Variants in FBXL7 observed in about 807,000 individuals in gnomAD.
The protein encoded by FBXL7 is F-box and leucine rich repeat protein 7.
Under a neutral mutation model 38.3 loss-of-function variants are expected in FBXL7, and 12 were observed. The ratio of observed to expected loss-of-function variants is 0.31; its 90% CI spans 0.20 to 0.51. The LOEUF (loss-of-function observed/expected upper bound fraction) is 0.51, where lower values mean the gene tolerates loss of function less well. FBXL7 is among the 20% of genes least tolerant of loss of function. FBXL7 has a pLI of 0.98. For synonymous variants in FBXL7, 297 were observed against 300.9 expected (o/e 0.99, Z 0.13); for missense variants, 567 against 676.4 (o/e 0.84, Z 1.79).
intron 2 of FBXL7, among the ~76,000 whole-genome samples, chr5:15,708,296 G>A (rs1743753029): frequency 6.6e-6 from 1 of 152,202 alleles, no homozygotes; most frequent in African/African-American, 2.4e-5. Context: ...TTTAGATAGG[G>A]AAAGGAATTG....
chr5:15,525,636 G>A (rs1267313303), intron 1 of FBXL7, among the ~76,000 whole-genome samples: 5 of 151,962 alleles, frequency 3.3e-5, no homozygotes, highest in African/African-American at 9.7e-5. Context: ...ATAAATACAC[G>A]TATACATATC....
chr5:15,849,101 T>C (rs1183426886), intron 2 of FBXL7, among the ~76,000 whole-genome samples: 1 of 152,244 alleles, frequency 6.6e-6, no homozygotes, highest in Non-Finnish European at 1.5e-5. Context: ...GATTCCTCCA[T>C]GCATTAAAAA....
At chr5:15,511,814 G>A (rs61275071) in intron 1 of FBXL7, among the ~76,000 whole-genome samples, 5,860 of 152,294 alleles carry the variant, frequency 0.038, 141 homozygotes, top group Non-Finnish European at 0.056. Flanking sequence ...TTTTGCAGCT[G>A]TATTAGGAAT....
At chr5:15,505,212 G>A (rs981530544) in intron 1 of FBXL7, among the ~76,000 whole-genome samples, 2 of 152,128 alleles carry the variant, frequency 1.3e-5, no homozygotes, top group Non-Finnish European at 2.9e-5. Context: ...ATAATTCTAA[G>A]GACTTGCCAT....
intron 2 of FBXL7, among the ~76,000 whole-genome samples, chr5:15,685,633 C>A (rs1204700790): frequency 6.6e-6 from 1 of 152,152 alleles, no homozygotes; most frequent in Non-Finnish European, 1.5e-5. Flanking sequence ...TTAAGACAGG[C>A]AGAACTGAGT....
At chr5:15,897,523 T>A (rs1579584494) in intron 2 of FBXL7, among the ~76,000 whole-genome samples, 1 of 152,240 alleles carries the variant, frequency 6.6e-6, no homozygotes, top group East Asian at 1.9e-4. Flanking sequence ...ATGTTGAAGA[T>A]CCCAGGAAAT....
chr5:15,751,075 T>C (rs1205140789), intron 2 of FBXL7, among the ~76,000 whole-genome samples: 1 of 152,176 alleles, frequency 6.6e-6, no homozygotes, highest in African/African-American at 2.4e-5. Flanking sequence ...ATCAAACACA[T>C]TTCTGTTTCC....
intron 2 of FBXL7, among the ~76,000 whole-genome samples, chr5:15,762,692 C>T (rs960495711): frequency 2.6e-5 from 4 of 152,196 alleles, no homozygotes; most frequent in South Asian, 2.1e-4. Context: ...TGCAAAACAG[C>T]GTACTGCTGA....
At chr5:15,529,006 G>A (rs1737338723) in intron 1 of FBXL7, among the ~76,000 whole-genome samples, 1 of 151,992 alleles carries the variant, frequency 6.6e-6, no homozygotes, top group African/African-American at 2.4e-5. Flanking sequence ...CATGTTGTAC[G>A]CTAGACCTCT....
At chr5:15,650,175 A>G (rs1318607186) in intron 2 of FBXL7, among the ~76,000 whole-genome samples, 1 of 152,210 alleles carries the variant, frequency 6.6e-6, no homozygotes, top group African/African-American at 2.4e-5. Flanking sequence ...ATGAGCTTAC[A>G]GGGATATCTT....
intron 2 of FBXL7, among the ~76,000 whole-genome samples, chr5:15,667,118 T>C (rs952047388): frequency 3.3e-5 from 5 of 152,202 alleles, no homozygotes; most frequent in African/African-American, 9.6e-5. Context: ...TAGTGCATAA[T>C]ATTGGAAGTT....
chr5:15,819,847 A>G (rs1039659156), intron 2 of FBXL7, among the ~76,000 whole-genome samples: 9 of 152,188 alleles, frequency 5.9e-5, no homozygotes, highest in African/African-American at 2.2e-4. Flanking sequence ...TAGCTACTTC[A>G]GAAGGAGGGA....
At chr5:15,551,351 CTG>C (rs1349645536) in intron 1 of FBXL7, among the ~76,000 whole-genome samples, 1 of 152,208 alleles carries the variant, frequency 6.6e-6, no homozygotes. Flanking sequence ...CAGAAAGCCT[CTG>C]TTCTGTGCAA....
chr5:15,608,518 T>C (rs1239376689), intron 1 of FBXL7, among the ~76,000 whole-genome samples: 1 of 152,222 alleles, frequency 6.6e-6, no homozygotes, highest in Non-Finnish European at 1.5e-5. Flanking sequence ...GTACCAAGTA[T>C]TTAATCAAAC....
At chr5:15,931,143 A>T (rs1742027397) in intron 3 of FBXL7, among the ~76,000 whole-genome samples, 1 of 152,228 alleles carries the variant, frequency 6.6e-6, no homozygotes, top group Admixed American at 6.5e-5. Flanking sequence ...TTGTTTTGTC[A>T]TTATCACATA....
intron 2 of FBXL7, among the ~76,000 whole-genome samples, chr5:15,819,227 G>A (rs1414641167): frequency 6.6e-6 from 1 of 152,150 alleles, no homozygotes; most frequent in African/African-American, 2.4e-5. Flanking sequence ...CTGGGTGGGA[G>A]TTGGCCCGCA....
chr5:15,892,531 G>A (rs1352459094), intron 2 of FBXL7, among the ~76,000 whole-genome samples: 1 of 152,166 alleles, frequency 6.6e-6, no homozygotes, highest in Non-Finnish European at 1.5e-5. Context: ...TAGCAGCAGA[G>A]GTTATGAGCA....
intron 2 of FBXL7, among the ~76,000 whole-genome samples, chr5:15,818,743 TGA>T (rs201462691): frequency 0.04 from 1,590 of 39,470 alleles, 20 homozygotes; most frequent in African/African-American, 0.098. Context: ...TGTGTGTGTG[TGA>T]GAGAGAGAGA....
intron 2 of FBXL7, among the ~76,000 whole-genome samples, chr5:15,702,790 A>G (rs1743569144): frequency 6.6e-6 from 1 of 152,112 alleles, no homozygotes; most frequent in Admixed American, 6.6e-5. Context: ...TGAGCAATAA[A>G]GCTTTTAATC....
Sources: allele counts gnomAD v4.1 joint callset (sites outside exome capture counted in the v4.1 genomes callset), GRCh38; gene constraint gnomAD v4.1.1; transcripts MANE v1.5; gene names NCBI Gene and HGNC (gene_info 2026-07-23, HGNC 2026-07-21).